CUL2: variants seen among roughly 807,000 people sequenced by gnomAD.
CUL2 encodes cullin-2.
In CUL2, 22 loss-of-function variants were observed where a neutral mutation model predicts 110.2. The ratio of observed to expected loss-of-function variants is 0.20; its 90% CI spans 0.14 to 0.28. The LOEUF is 0.28. Ranked by LOEUF, CUL2 falls within the 10% of genes least tolerant of loss-of-function variation. The probability of loss-of-function intolerance (pLI) is 1.00; values close to 1 mark genes in which losing one functional copy is unlikely to be tolerated. For missense variants in CUL2, 631 were observed against 905.5 expected (o/e 0.70, Z 3.89); for synonymous variants, 279 against 293.2 (o/e 0.95, Z 0.49).
At chr10:35,071,553 C>T (rs1231932113) in intron 1 of CUL2, among the ~76,000 whole-genome samples, 2 of 152,142 alleles carry the variant, frequency 1.3e-5, no homozygotes, top group Admixed American at 6.5e-5. Context: ...TACAGGCACC[C>T]GCCACCATGC....
chr10:35,108,301 G>GA (rs960618801), intron 1 of CUL2, among the ~76,000 whole-genome samples: 2 of 151,604 alleles, frequency 1.3e-5, no homozygotes, highest in South Asian at 2.1e-4. Flanking sequence ...CAAAAAAATA[G>GA]AAAAAATTAG....
chr10:35,031,706 A>C lies in CUL2; in HGVS notation c.1171-87T>G. 11 of 1,428,906 alleles carry C rather than the reference A, an allele frequency of 7.7e-6. No individual in the cohort carries two copies. Among genetic ancestry groups the C allele is most frequent in the Non-Finnish European group, 1.1e-5 (11 of 1,039,548 alleles). The allele number at this position is 1,428,906 out of a possible 1,614,324, so 88.5% of individuals were successfully genotyped here. A position where few individuals can be genotyped will look rare whatever the true frequency, so the allele number is the denominator to read the frequency against. ...GGAGGCAAAGTGGTGATACAAGGTA[A>C]GATCAGCGGACAGAATTTTTGCTGT... On this transcript the variant is annotated intron_variant, in intron 12 of 20. Coordinates refer to ENST00000374749, the MANE Select transcript of CUL2 (RefSeq NM_003591.4). This position sits in a 1 kb window ranked among gnomAD's most constrained non-coding sequence, Gnocchi z 4.4.
At chr10:35,114,021 C>T (rs1010956810) in intron 1 of CUL2, among the ~76,000 whole-genome samples, 3 of 151,742 alleles carry the variant, frequency 2.0e-5, no homozygotes, top group African/African-American at 7.3e-5. Flanking sequence ...CATTCTCCTG[C>T]CTCAGCCTCC....
intron 19 of CUL2, among the ~76,000 whole-genome samples, chr10:35,012,363 G>A (rs917273627): frequency 5.9e-5 from 9 of 152,118 alleles, no homozygotes; most frequent in Non-Finnish European, 1.0e-4. Context: ...GGAGGACACA[G>A]CAATAATTTG....
In CUL2 at chr10:35,035,086, C is replaced by T; in HGVS notation, c.1002+86G>A. 4.1e-6 allele frequency: 6 copies of T among 1,477,190 alleles called. No individual in the cohort carries two copies. The Admixed American group carries it at 5.7e-5, about 14-fold the overall frequency. 91.5% of individuals were successfully genotyped at this position (1,477,190 alleles called of 1,614,324 possible). A position where few individuals can be genotyped will look rare whatever the true frequency, so the allele number is the denominator to read the frequency against. On this transcript the variant is annotated intron_variant, in intron 10 of 20. Transcript: ENST00000374749. ...GTTGGCATGGTAAGACTTTTTCTTTCATCTTTCAAAACAATAAAGTCAAAG... is the reference window on the plus strand; with the variant it reads ...GTTGGCATGGTAAGACTTTTTCTTTTATCTTTCAAAACAATAAAGTCAAAG...
intron 1 of CUL2, among the ~76,000 whole-genome samples, chr10:35,103,423 C>T (rs1231615244): frequency 6.7e-6 from 1 of 149,018 alleles, no homozygotes; most frequent in Non-Finnish European, 1.5e-5. Context: ...CTCCCGGGTT[C>T]ACGCCATTCT....
chr10:35,099,755 T>A (rs966728352), intron 2 of CUL2, among the ~76,000 whole-genome samples: 3 of 151,628 alleles, frequency 2.0e-5, no homozygotes, highest in African/African-American at 7.3e-5. Context: ...CAAAATAAAA[T>A]AAAAAAATAA....
intron 2 of CUL2, chr10:35,099,656 A>C (rs895262743): frequency 4.6e-5 from 7 of 151,988 alleles, no homozygotes; most frequent in African/African-American, 1.7e-4. Context: ...CATGCCTATG[A>C]TCCTAGCTAC....
chr10:35,020,594 GT>G (rs577759721), intron 17 of CUL2, among the ~76,000 whole-genome samples: 1 of 152,030 alleles, frequency 6.6e-6, no homozygotes, highest in East Asian at 1.9e-4. Flanking sequence ...GTCTGGTGAA[GT>G]TTTTTTTATC....
At chr10:35,114,531 C>G (rs1372836787) in intron 1 of CUL2, among the ~76,000 whole-genome samples, 1 of 151,062 alleles carries the variant, frequency 6.6e-6, no homozygotes, top group Non-Finnish European at 1.5e-5. Flanking sequence ...TACAGGCGCC[C>G]GCCACCACAC....
intron 19 of CUL2, among the ~76,000 whole-genome samples, chr10:35,012,792 C>G (rs1391738411): frequency 6.6e-6 from 1 of 152,130 alleles, no homozygotes; most frequent in African/African-American, 2.4e-5. Context: ...TCTTCACATC[C>G]TGCATCAGCC....
intron 1 of CUL2, among the ~76,000 whole-genome samples, chr10:35,089,698 G>A (rs2087155118): frequency 6.6e-6 from 1 of 152,178 alleles, no homozygotes; most frequent in Non-Finnish European, 1.5e-5. Flanking sequence ...CAGACCCTAA[G>A]GGTTGAGACA....
Position 35,051,931 on chromosome 10 carries a change from CA to C in CUL2, c.424-2167del, listed in dbSNP as rs2086123312. On this transcript the variant is annotated intron_variant, in intron 5 of 20. Transcript: ENST00000374749. ...ACTCAAATTTACCAATCTTCTTTAT[CA>C]TGGGTATTTTTTAAGAAATCCTTCT... Among the ~76,000 whole-genome samples the C allele has an allele frequency of 2.0e-5, 3 of 152,128 alleles. No homozygotes were observed. The South Asian group carries it at 6.2e-4, about 32-fold the overall frequency.
chr10:35,108,151 C>G (rs2087486012), intron 1 of CUL2, among the ~76,000 whole-genome samples: 2 of 151,742 alleles, frequency 1.3e-5, no homozygotes, highest in African/African-American at 4.8e-5. Context: ...TTGCACCTGC[C>G]TAAGTGAGAA....
chr10:35,079,242 C>G (rs1388204293), intron 1 of CUL2, among the ~76,000 whole-genome samples: 6 of 152,216 alleles, frequency 3.9e-5, no homozygotes, highest in Non-Finnish European at 7.3e-5. Context: ...TCTCACTGTG[C>G]TGTACTCGCC....
At chr10:35,060,141 G>C (rs7098557) in intron 4 of CUL2, among the ~76,000 whole-genome samples, 1,930 of 152,224 alleles carry the variant, frequency 0.013, 42 homozygotes, top group African/African-American at 0.044. Context: ...CACACCTGTT[G>C]TTCCAGCAAC....
At chr10:35,097,400 GGATTGCTT>G (rs1242388277) in intron 2 of CUL2, among the ~76,000 whole-genome samples, 3 of 151,260 alleles carry the variant, frequency 2.0e-5, no homozygotes, top group African/African-American at 7.3e-5. Context: ...TGAGGTGGAA[GGATTGCTT>G]GAGTTCAGGA....
intron 6 of CUL2, among the ~76,000 whole-genome samples, chr10:35,049,048 T>G (rs2086023632): frequency 6.6e-6 from 1 of 152,226 alleles, no homozygotes; most frequent in Non-Finnish European, 1.5e-5. Flanking sequence ...TTACTGGATA[T>G]ATATTTGTGT....
intron 1 of CUL2, among the ~76,000 whole-genome samples, chr10:35,123,698 A>G (rs2087704812): frequency 6.6e-6 from 1 of 152,228 alleles, no homozygotes; most frequent in Non-Finnish European, 1.5e-5. Flanking sequence ...AACAACAATA[A>G]AAAATCAAGA....
Sources: allele counts gnomAD v4.1 joint callset (sites outside exome capture counted in the v4.1 genomes callset), GRCh38; gene constraint gnomAD v4.1.1; non-coding constraint Gnocchi (gnomAD v3.1); transcripts MANE v1.5; gene names NCBI Gene and HGNC (gene_info 2026-07-23, HGNC 2026-07-21).